The following CABLES1 variants were observed in gnomAD, a reference collection of about 807,000 sequenced individuals.
CABLES1 encodes the protein Cdk5 and Abl enzyme substrate 1.
A neutral mutation model predicts 57.8 loss-of-function variants in CABLES1; 36 were observed. The observed-to-expected ratio is 0.62, with a 90% CI of 0.48 to 0.82. CABLES1 has a LOEUF of 0.82. Among genes scored for constraint, CABLES1 ranks in the 40% least tolerant of loss-of-function variants. CABLES1 has a pLI of 0.00. For synonymous variants in CABLES1, 374 were observed against 363.0 expected (o/e 1.03, Z -0.35); for missense variants, 767 against 836.6 (o/e 0.92, Z 1.03).
Position 23,213,865 on chromosome 18 carries a change from G to C in CABLES1, c.1011-112G>C, listed in dbSNP as rs550034162. ...ATCTGCCAGAGGAGGTGGTGGGAGC[G>C]TGCAAATACTGCTATGAATGCCATG... On this transcript the variant is annotated intron_variant, in intron 3 of 9. Transcript: ENST00000256925. 1.5e-4 allele frequency: 103 copies of C among 670,828 alleles called. 1 individual carries two copies. In the Middle Eastern group the frequency reaches 2.5e-3, roughly 17 times the overall value. 41.6% of individuals were successfully genotyped at this position (670,828 alleles called of 1,614,324 possible). A position where few individuals can be genotyped will look rare whatever the true frequency, so the allele number is the denominator to read the frequency against.
At position 23,135,607 on chromosome 18, in the gene CABLES1, G is replaced by A; in HGVS notation, c.-156G>A. On this transcript the variant is annotated 5_prime_UTR_variant, in exon 1 of 10. Transcript: ENST00000256925. ...CCCCATCCCCAGCACCGAGGGGCGAGCATGGCCCGCCCGCGGGGGGGCTGG... is the reference window on the plus strand; with the variant it reads ...CCCCATCCCCAGCACCGAGGGGCGAACATGGCCCGCCCGCGGGGGGGCTGG... 1 of 454,020 alleles carries A rather than the reference G, an allele frequency of 2.2e-6. No individual in the cohort carries two copies. Among genetic ancestry groups the A allele is most frequent in the Non-Finnish European group, 2.9e-6 (1 of 345,786 alleles). The allele number at this position is 454,020 out of a possible 1,614,324, so 28.1% of individuals were successfully genotyped here.
intron 7 of CABLES1, among the ~76,000 whole-genome samples, chr18:23,252,402 C>T (rs1389849368): frequency 6.6e-6 from 1 of 152,196 alleles, no homozygotes; most frequent in African/African-American, 2.4e-5. Flanking sequence ...ATTTAAAAAA[C>T]TAAAAGAACA....
At chr18:23,229,669 A>G (rs1025328254) in intron 4 of CABLES1, among the ~76,000 whole-genome samples, 1 of 152,244 alleles carries the variant, frequency 6.6e-6, no homozygotes, top group Non-Finnish European at 1.5e-5. Flanking sequence ...AGATTTCATC[A>G]CACTCCACTG....
In CABLES1 at chr18:23,202,704, G is replaced by A. The variant is rs187501233; in HGVS notation, c.1010+8164G>A. Among the ~76,000 whole-genome samples the A allele has an allele frequency of 3.8e-3, 575 of 151,694 alleles. 3 individuals are homozygous for A. Among genetic ancestry groups the A allele is most frequent in the Non-Finnish European group, 5.1e-3 (346 of 67,844 alleles). On this transcript the variant is annotated intron_variant, in intron 3 of 9. Transcript: ENST00000256925. ...CTGAGTATAAAGACTGGAGACACTC[G>A]GCCAGGGCGTGGTGGCTCACGCCTG... is the stretch of plus-strand genomic sequence containing the variant.
intron 9 of CABLES1, among the ~76,000 whole-genome samples, chr18:23,254,985 CAGAA>C (rs1239574908): frequency 1.3e-5 from 2 of 152,284 alleles, no homozygotes; most frequent in East Asian, 3.9e-4. Context: ...GTGGTTTTCA[CAGAA>C]AGGAATAGGT....
chr18:23,242,013 C>G (rs879514799), intron 7 of CABLES1, among the ~76,000 whole-genome samples: 1 of 152,164 alleles, frequency 6.6e-6, no homozygotes, highest in African/African-American at 2.4e-5. Context: ...CAGTGGCTCA[C>G]GCCTGTAATC....
intron 1 of CABLES1, chr18:23,156,028 C>G: frequency 2.6e-6 from 4 of 1,525,206 alleles, no homozygotes; most frequent in Non-Finnish European, 3.6e-6. Flanking sequence ...TGGATGCTGA[C>G]GGTCTTTGTT....
At chr18:23,188,344 T>C (rs1240920098) in intron 1 of CABLES1, among the ~76,000 whole-genome samples, 1 of 152,250 alleles carries the variant, frequency 6.6e-6, no homozygotes, top group East Asian at 1.9e-4. Flanking sequence ...TTTGAAATCA[T>C]GGCCATCCAG....
At chr18:23,163,849 G>A (rs1598806308) in intron 1 of CABLES1, among the ~76,000 whole-genome samples, 1 of 152,178 alleles carries the variant, frequency 6.6e-6, no homozygotes, top group African/African-American at 2.4e-5. Flanking sequence ...AGCTTTTGCT[G>A]TGTAAATGTT....
At chr18:23,212,736 G>A (rs1175503798) in intron 3 of CABLES1, among the ~76,000 whole-genome samples, 1 of 151,972 alleles carries the variant, frequency 6.6e-6, no homozygotes, top group East Asian at 1.9e-4. Context: ...TGCCCTCCTG[G>A]ACGTCTGAAT....
chr18:23,258,488 A>G lies in CABLES1; in HGVS notation c.*1121A>G, dbSNP rs1484080979. ...CCACGTGCCCAGGGCTGTTCATGCA[A>G]GATTTTAATGGTGACTTGTCCTGGC... is the stretch of plus-strand genomic sequence containing the variant. On this transcript the variant is annotated 3_prime_UTR_variant, in exon 10 of 10. Transcript: ENST00000256925. 3 of 152,158 alleles carry G rather than the reference A, an allele frequency of 2.0e-5. No homozygotes were observed. Among genetic ancestry groups the G allele is most frequent in the African/African-American group, 2.4e-5 (1 of 41,416 alleles). 9.4% of individuals were successfully genotyped at this position (152,158 alleles called of 1,614,324 possible).
chr18:23,240,241 T>C (rs2145093878), intron 7 of CABLES1, among the ~76,000 whole-genome samples: 1 of 151,702 alleles, frequency 6.6e-6, no homozygotes, highest in South Asian at 2.1e-4. Context: ...GGGCTGAGAG[T>C]GGTTGGCCCC....
chr18:23,155,988 A>T (rs1278768290), intron 1 of CABLES1: 1 of 1,613,156 alleles, frequency 6.2e-7, no homozygotes, highest in Non-Finnish European at 8.5e-7. Context: ...TGACCCAGAG[A>T]GCTGAGTCTG....
At chr18:23,173,691 A>C (rs1258839583) in intron 1 of CABLES1, among the ~76,000 whole-genome samples, 1 of 152,260 alleles carries the variant, frequency 6.6e-6, no homozygotes, top group Non-Finnish European at 1.5e-5. Context: ...GGCTGGGCGC[A>C]GTGGCTCATG....
chr18:23,185,765 G>A (rs1211817804), intron 1 of CABLES1, among the ~76,000 whole-genome samples: 2 of 152,200 alleles, frequency 1.3e-5, no homozygotes, highest in African/African-American at 2.4e-5. Context: ...AGAACGTGTC[G>A]AGATTCTCAG....
In CABLES1 at chr18:23,228,326, G is replaced by A. The variant is rs563715088; in HGVS notation, c.1089-6282G>A. On this transcript the variant is annotated intron_variant, in intron 4 of 9. Coordinates refer to ENST00000256925, the MANE Select transcript of CABLES1 (RefSeq NM_001100619.3). ...TTTACAAAAGATGAAGTCCAGAGTC[G>A]GCCGTTTTATGATTAATAATGACCT... Among the ~76,000 whole-genome samples the A allele has an allele frequency of 2.0e-5, 3 of 152,208 alleles. No homozygotes were observed. The East Asian group carries it at 5.8e-4, about 29-fold the overall frequency.
chr18:23,150,862 G>A (rs2046924692), intron 1 of CABLES1, among the ~76,000 whole-genome samples: 1 of 152,008 alleles, frequency 6.6e-6, no homozygotes, highest in Admixed American at 6.6e-5. Flanking sequence ...CGATGCACTT[G>A]ATCTGTTGCA....
intron 2 of CABLES1, chr18:23,189,421 C>T (rs1159843655): frequency 6.2e-6 from 1 of 161,242 alleles, no homozygotes; most frequent in Non-Finnish European, 1.4e-5. Context: ...TGCAAGGCGT[C>T]TTTTTGGGTG....
intron 1 of CABLES1, among the ~76,000 whole-genome samples, chr18:23,184,308 C>CGTGTGTGTGTGTGTGTGTGTGTGT (rs61158856): frequency 6.8e-6 from 1 of 146,326 alleles, no homozygotes; most frequent in African/African-American, 2.5e-5. Context: ...CATACTGGCA[C>CGTGTGTGTGTGTGTGTGTGTGTGT]GTGTGTGTGT....
Sources: gnomAD v4.1 joint callset for allele counts (sites outside exome capture counted in the v4.1 genomes callset) on GRCh38, gnomAD v4.1.1 for gene constraint, MANE v1.5 for transcripts, NCBI Gene and HGNC (gene_info 2026-07-23, HGNC 2026-07-21) for gene names.